The following PCDHA3 variants were observed in gnomAD, a reference collection of about 807,000 sequenced individuals.
PCDHA3 encodes protocadherin alpha 3, also known as protocadherin alpha-3.
In PCDHA3, 41 loss-of-function variants were observed where a neutral mutation model predicts 62.2. That is an observed-to-expected ratio of 0.66 (90% CI 0.51 to 0.86). The LOEUF is 0.86. Ranked by LOEUF, PCDHA3 falls within the 40% of genes least tolerant of loss-of-function variation. PCDHA3 has a pLI of 0.00. For synonymous variants in PCDHA3, 640 were observed against 555.4 expected (o/e 1.15, Z -2.14); for missense variants, 1,304 against 1,241.2 (o/e 1.05, Z -0.76).
intron 3 of PCDHA3, among the ~76,000 whole-genome samples, chr5:141,002,136 G>C (rs2153972972): frequency 6.6e-6 from 1 of 152,374 alleles, no homozygotes; most frequent in East Asian, 1.9e-4. Flanking sequence ...GCCTTTGCCG[G>C]CTGCACTGAC....
At chr5:140,926,143 C>A (rs2082940711) in intron 1 of PCDHA3, among the ~76,000 whole-genome samples, 1 of 152,068 alleles carries the variant, frequency 6.6e-6, no homozygotes, top group African/African-American at 2.4e-5. Context: ...CAGGATCCAG[C>A]GCGGAAAGCT....
At chr5:140,837,831 T>C (rs1775280897) in intron 1 of PCDHA3, among the ~76,000 whole-genome samples, 1 of 151,530 alleles carries the variant, frequency 6.6e-6, no homozygotes, top group Admixed American at 6.6e-5. Flanking sequence ...TTGCATGTCA[T>C]TGTGCCTGGC....
intron 3 of PCDHA3, among the ~76,000 whole-genome samples, chr5:140,999,965 T>C (rs1439660759): frequency 1.3e-5 from 2 of 151,684 alleles, no homozygotes; most frequent in African/African-American, 4.8e-5. Flanking sequence ...TACCCAGGAG[T>C]AGCAGCTCTA....
chr5:140,900,187 T>C (rs529700623), intron 1 of PCDHA3, among the ~76,000 whole-genome samples: 1 of 152,346 alleles, frequency 6.6e-6, no homozygotes, highest in Non-Finnish European at 1.5e-5. Context: ...ATGTCACTTA[T>C]AATGACATCC....
At chr5:140,828,189 A>G (rs2150152143) in intron 1 of PCDHA3, 1 of 1,613,890 alleles carries the variant, frequency 6.2e-7, no homozygotes, top group African/African-American at 1.3e-5. Context: ...CAGCTCCACT[A>G]CTCCGTACCC....
In PCDHA3 at chr5:140,835,453, TC is replaced by T. The variant is rs1554134997; in HGVS notation, c.2394+31865del. 1.9e-6 allele frequency: 3 copies of T among 1,613,816 alleles called. No homozygotes were observed. The Admixed American group carries it at 5.0e-5, about 27-fold the overall frequency. ...CAGTTGACTCTCACTTCCCTGTCTC[TC>T]CCTATTCCAGAGGACGCCCAACCAG... On this transcript the variant is annotated intron_variant, in intron 1 of 3. Transcript: ENST00000522353.
intron 1 of PCDHA3, among the ~76,000 whole-genome samples, chr5:140,898,000 T>G (rs1420296585): frequency 6.6e-5 from 10 of 152,348 alleles, no homozygotes; most frequent in African/African-American, 2.4e-4. Flanking sequence ...TTGAGAAGTG[T>G]CTGTTCATAT....
chr5:140,848,170 G>A, intron 1 of PCDHA3: 1 of 259,584 alleles, frequency 3.9e-6, no homozygotes, highest in Non-Finnish European at 7.4e-6. Flanking sequence ...GAAGGCTCCA[G>A]CAAGAGAAAC....
intron 1 of PCDHA3, chr5:140,841,287 A>C: frequency 1.3e-6 from 2 of 1,554,152 alleles, no homozygotes; most frequent in Non-Finnish European, 1.7e-6. Flanking sequence ...CTTTATATTA[A>C]GATAATATTT....
At chr5:141,008,206 G>A (rs979113429) in intron 3 of PCDHA3, among the ~76,000 whole-genome samples, 1 of 152,184 alleles carries the variant, frequency 6.6e-6, no homozygotes, top group African/African-American at 2.4e-5. Flanking sequence ...TAATGAACTT[G>A]ACATGAGTTA....
chr5:140,836,323 T>C (rs2150257810), intron 1 of PCDHA3: 1 of 1,613,710 alleles, frequency 6.2e-7, no homozygotes, highest in South Asian at 1.1e-5. Context: ...CGCCACCGCC[T>C]TCTGGTGCTT....
At chr5:140,871,530 T>C (rs188075654) in intron 1 of PCDHA3, 2 of 1,514,446 alleles carry the variant, frequency 1.3e-6, no homozygotes, top group Admixed American at 4.8e-5. Flanking sequence ...TCAGGAAGTG[T>C]ATGTGAAATT....
At chr5:140,927,494 T>C (rs1235909927) in intron 1 of PCDHA3, 5 of 1,614,018 alleles carry the variant, frequency 3.1e-6, no homozygotes, top group Non-Finnish European at 4.2e-6. Context: ...ACCCACCTGC[T>C]GGTGCTTACA....
rs1763194782 is a variant in PCDHA3, at chr5:140,803,415, G to C, written c.2218G>C (p.Val740Leu). 6.2e-7 allele frequency: 1 copy of C among 1,614,110 alleles called. No individual in the cohort carries two copies. The highest frequency in any genetic ancestry group is 1.1e-5 in the South Asian group (1 of 91,086). The part of the protein sequence containing the change: ...GDCGPGKPTL[V>L]CSSAVGSWSY... ...CTGTGGGCCGGGCAAGCCCACGCTG[G>C]TGTGCTCCAGCGCGGTGGGGAGCTG... is the stretch of plus-strand genomic sequence containing the variant. Residue 740 changes from valine (V) to leucine (L), a missense_variant, in exon 1 of 4, where the codon GTG (valine) becomes CTG (leucine). Transcript: ENST00000522353.
chr5:140,808,537 C>T (rs1277365179), intron 1 of PCDHA3: 1 of 1,614,052 alleles, frequency 6.2e-7, no homozygotes, highest in African/African-American at 1.3e-5. Context: ...ATGTGAACGA[C>T]AACGCTCCGG....
intron 1 of PCDHA3, among the ~76,000 whole-genome samples, chr5:140,941,561 C>T (rs782382112): frequency 2.1e-4 from 32 of 151,880 alleles, no homozygotes; most frequent in Middle Eastern, 3.2e-3. Context: ...GTGATCCATT[C>T]GCCTCAGCCT....
chr5:140,945,425 G>T (rs246059), intron 1 of PCDHA3, among the ~76,000 whole-genome samples: 85,681 of 151,722 alleles, frequency 0.56, 24,785 homozygotes, highest in African/African-American at 0.69. Flanking sequence ...TTTCAATGAA[G>T]TTTTTACAGA....
In PCDHA3 at chr5:141,010,203, C is replaced by T; in HGVS notation, c.*266C>T. ...AGACCCAAGTTTCCTTTCTCCTCCG[C>T]CGCAAAGGAGAGGCTTCCCAGCCCC... On this transcript the variant is annotated 3_prime_UTR_variant, in exon 4 of 4. Coordinates refer to ENST00000522353, the MANE Select transcript of PCDHA3 (RefSeq NM_018906.3). The T allele has an allele frequency of 1.3e-6, 2 of 1,552,032 alleles. No homozygotes were observed. Among genetic ancestry groups the T allele is most frequent in the Non-Finnish European group, 1.7e-6 (2 of 1,147,066 alleles).
At chr5:140,951,741 C>A (rs1490111006) in intron 1 of PCDHA3, among the ~76,000 whole-genome samples, 3 of 152,062 alleles carry the variant, frequency 2.0e-5, no homozygotes, top group Non-Finnish European at 4.4e-5. Flanking sequence ...CTGCCACTGC[C>A]CTCACCCTCC....
Sources: allele counts gnomAD v4.1 joint callset (sites outside exome capture counted in the v4.1 genomes callset), GRCh38; gene constraint gnomAD v4.1.1; transcripts MANE v1.5; gene names NCBI Gene and HGNC (gene_info 2026-07-23, HGNC 2026-07-21).